Variants in CELF2 observed in about 807,000 individuals in gnomAD.
The protein encoded by CELF2 is CUG triplet repeat RNA-binding protein 2.
A neutral mutation model predicts 62.6 loss-of-function variants in CELF2; 8 were observed. The observed-to-expected ratio is 0.13, with a 90% CI of 0.07 to 0.23. The LOEUF is 0.23. Ranked by LOEUF, CELF2 falls within the 10% of genes least tolerant of loss-of-function variation. The pLI is 1.00. For missense variants in CELF2, 333 were observed against 671.0 expected, an observed-to-expected ratio of 0.50 and a Z score of 5.56; for synonymous variants, 258 against 250.0, an observed-to-expected ratio of 1.03 and a Z score of -0.30.
chr10:10,840,759 G>A (rs1272011778), intron 1 of CELF2, among the ~76,000 whole-genome samples: 1 of 152,060 alleles, frequency 6.6e-6, no homozygotes, highest in Non-Finnish European at 1.5e-5. Context: ...GTGCCATGGT[G>A]GTTTGCTGCA....
Position 11,260,022 on chromosome 10 carries a change from A to G in CELF2, c.538+2150A>G, listed in dbSNP as rs2080016906. Among the ~76,000 whole-genome samples the G allele has an allele frequency of 6.6e-6, 1 of 152,360 alleles. No individual in the cohort carries two copies. Among genetic ancestry groups the G allele is most frequent in the South Asian group, 2.1e-4 (1 of 4,832 alleles). On this transcript the variant is annotated intron_variant, in intron 5 of 12. Coordinates refer to ENST00000633077, the MANE Select transcript of CELF2 (RefSeq NM_001326342.2). The surrounding 1 kb of genome is among the most constrained non-coding windows in gnomAD (Gnocchi z 4.2). Reference sequence around the variant, plus strand: ...CACAAGGAGAGCCCTTAAATTACTCATAGCGAAATCTATAATGGCTTAGGG... The same window carrying G: ...CACAAGGAGAGCCCTTAAATTACTCGTAGCGAAATCTATAATGGCTTAGGG...
chr10:11,322,740 T>A (rs181743077), intron 11 of CELF2, among the ~76,000 whole-genome samples: 1 of 152,214 alleles, frequency 6.6e-6, no homozygotes, highest in Non-Finnish European at 1.5e-5. Context: ...AAGTTACTTT[T>A]CATTATTTCA....
At chr10:10,795,369 A>G (rs772757213), upstream of CELF2, among the ~76,000 whole-genome samples, 7 of 152,162 alleles carry the variant, frequency 4.6e-5, no homozygotes, top group Non-Finnish European at 8.8e-5. Flanking sequence ...AAGAAGACAA[A>G]GAGAATGAAC....
At chr10:10,979,568 G>T (rs1376284527) in intron 2 of CELF2, among the ~76,000 whole-genome samples, 2 of 151,776 alleles carry the variant, frequency 1.3e-5, no homozygotes, top group African/African-American at 4.8e-5. Flanking sequence ...CTATGCAGGG[G>T]GCTGAGGTGG....
At chr10:11,186,254 A>G (rs528835354) in intron 2 of CELF2, among the ~76,000 whole-genome samples, 1 of 141,976 alleles carries the variant, frequency 7.0e-6, no homozygotes, top group East Asian at 2.0e-4. Context: ...TAAAGTTCCC[A>G]GGTTTATTTG....
chr10:11,217,055 TTAATG>T lies in CELF2; in HGVS notation c.272-366_272-362del. Among the ~76,000 whole-genome samples the T allele has an allele frequency of 6.6e-6, 1 of 152,342 alleles. No homozygotes were observed. The highest frequency in any genetic ancestry group is 2.4e-5 in the African/African-American group (1 of 41,566). On this transcript the variant is annotated intron_variant, in intron 2 of 12. Transcript: ENST00000633077. This position sits in a 1 kb window ranked among gnomAD's most constrained non-coding sequence, Gnocchi z 5.6. The stretch of plus-strand genomic sequence containing the variant: ...GAGATACACTTTAAGAAAATTATAA[TTAATG>T]TAAGCTTGTGCTGTTGTTATTGTGA...
At chr10:10,692,370 C>G in the CELF2 span, among the ~76,000 whole-genome samples, 1 of 151,178 alleles carries the variant, frequency 6.6e-6, no homozygotes, top group African/African-American at 2.4e-5. Context: ...TGATCTATAT[C>G]TCTGTTTTGG....
At chr10:10,830,279 TAAAA>T (rs57725749) in intron 1 of CELF2, among the ~76,000 whole-genome samples, 1 of 122,542 alleles carries the variant, frequency 8.2e-6, no homozygotes. Context: ...GGAGTTCCTT[TAAAA>T]AAAAAAAAAA....
intron 1 of CELF2, among the ~76,000 whole-genome samples, chr10:10,885,284 C>A (rs1340129617): frequency 6.6e-6 from 1 of 151,506 alleles, no homozygotes; most frequent in Non-Finnish European, 1.5e-5. Flanking sequence ...TCTTTACAGA[C>A]TATATGTAGG....
rs909098205 is a variant in CELF2 at position 10,865,333 on chromosome 10, G to A, written c.54-54631G>A. ...GGTTTTGTTAGTGCTTTTTCTTCTC[G>A]CAAAAATATCAACCTGCATTTCAAC... On this transcript the variant is annotated intron_variant, in intron 1 of 13. Coordinates refer to the CELF2 transcript ENST00000636488. Among the ~76,000 whole-genome samples, 30 of 152,132 alleles carry A rather than the reference G, an allele frequency of 2.0e-4. No homozygotes were observed. In the South Asian group the frequency reaches 2.7e-3, roughly 14 times the overall value.
chr10:11,069,459 G>T (rs191985354), intron 1 of CELF2, among the ~76,000 whole-genome samples: 14 of 147,408 alleles, frequency 9.5e-5, no homozygotes, highest in Admixed American at 8.6e-4. Context: ...TTCAATGGAT[G>T]AAAAGGAAAT....
chr10:10,901,361 CAA>C (rs1307840175), intron 1 of CELF2, among the ~76,000 whole-genome samples: 3 of 152,216 alleles, frequency 2.0e-5, no homozygotes, highest in Admixed American at 6.5e-5. Flanking sequence ...ATATATAAAG[CAA>C]AGAGACCTTA....
chr10:10,910,310 T>G (rs2134340834), intron 1 of CELF2, among the ~76,000 whole-genome samples: 1 of 152,330 alleles, frequency 6.6e-6, no homozygotes, highest in Middle Eastern at 3.4e-3. Context: ...TTTAATAAAC[T>G]GATCCTCTCC....
chr10:10,524,310 G>C, the CELF2 span, among the ~76,000 whole-genome samples: 1 of 151,602 alleles, frequency 6.6e-6, no homozygotes. Context: ...TTCCTTCTGG[G>C]TTTATGCACA....
In CELF2 at chr10:11,163,735, T is replaced by C. The variant is rs542327253; in HGVS notation, c.75-1751T>C. Among the ~76,000 whole-genome samples, 21 of 152,334 alleles carry C rather than the reference T, an allele frequency of 1.4e-4. No homozygotes were observed. The South Asian group carries it at 3.5e-3, about 26-fold the overall frequency. ...AAAATAAAGTGGTAAAATAGGGGGA[T>C]ACGAAGAAGTAGAAATTGAAACCAG... On this transcript the variant is annotated intron_variant, in intron 1 of 12. Transcript: ENST00000633077.
chr10:10,518,727 A>T, the CELF2 span, among the ~76,000 whole-genome samples: 665 of 90,832 alleles, frequency 7.3e-3, 2 homozygotes, highest in African/African-American at 0.019. Flanking sequence ...ATTTTTTTTT[A>T]AAAAAAAATG....
the CELF2 span, among the ~76,000 whole-genome samples, chr10:10,626,719 G>A: frequency 1.3e-5 from 2 of 152,206 alleles, no homozygotes; most frequent in East Asian, 3.9e-4. Context: ...TGTCTATTTG[G>A]TGTACTTCAT....
In CELF2 at chr10:11,224,548, T is replaced by C. The variant is rs1441608417; in HGVS notation, c.354+7041T>C. Among the ~76,000 whole-genome samples the C allele has an allele frequency of 6.6e-6, 1 of 152,108 alleles. No homozygotes were observed. The highest frequency in any genetic ancestry group is 2.4e-5 in the African/African-American group (1 of 41,406). ...GGAGGCGGGGGATCCATGAATTTGA[T>C]TAAAGGTCTGCATGGAATTACAGAG... On this transcript the variant is annotated intron_variant, in intron 3 of 12. Transcript: ENST00000633077. This position sits in a 1 kb window ranked among gnomAD's most constrained non-coding sequence, Gnocchi z 4.5.
chr10:10,636,994 G>C, the CELF2 span, among the ~76,000 whole-genome samples: 1 of 152,096 alleles, frequency 6.6e-6, no homozygotes, highest in Non-Finnish European at 1.5e-5. Flanking sequence ...GATTTTCCAG[G>C]TAGAAAGTAC....
Sources: allele counts gnomAD v4.1 joint callset (sites outside exome capture counted in the v4.1 genomes callset), GRCh38; gene constraint gnomAD v4.1.1; non-coding constraint Gnocchi (gnomAD v3.1); transcripts MANE v1.5; gene names NCBI Gene and HGNC (gene_info 2026-07-23, HGNC 2026-07-21).